PCDHA3: variants seen among roughly 807,000 people sequenced by gnomAD.
PCDHA3 encodes the protein protocadherin alpha 3.
In PCDHA3, 41 loss-of-function variants were observed where a neutral mutation model predicts 62.2. The observed-to-expected ratio is 0.66, with a 90% CI of 0.51 to 0.86. The LOEUF (loss-of-function observed/expected upper bound fraction) is 0.86, where lower values mean the gene tolerates loss of function less well. PCDHA3 is among the 40% of genes least tolerant of loss of function. The probability of loss-of-function intolerance (pLI) is 0.00; values close to 1 mark genes in which losing one functional copy is unlikely to be tolerated. For synonymous variants in PCDHA3, 640 were observed against 555.4 expected, an observed-to-expected ratio of 1.15 and a Z score of -2.14; for missense variants, 1,304 against 1,241.2, an observed-to-expected ratio of 1.05 and a Z score of -0.76.
intron 1 of PCDHA3, chr5:140,862,693 T>C (rs2047494827): frequency 1.8e-6 from 1 of 555,404 alleles, no homozygotes; most frequent in African/African-American, 1.9e-5. Flanking sequence ...GTCCTACTCG[T>C]TGATGGAACA....
chr5:140,916,612 G>A (rs1256459125), intron 1 of PCDHA3, among the ~76,000 whole-genome samples: 3 of 152,144 alleles, frequency 2.0e-5, no homozygotes, highest in African/African-American at 7.2e-5. Flanking sequence ...CGGGCCTCAT[G>A]ACTCTACTCA....
At chr5:140,993,273 T>C (rs1212746492) in intron 3 of PCDHA3, among the ~76,000 whole-genome samples, 1 of 152,176 alleles carries the variant, frequency 6.6e-6, no homozygotes, top group Non-Finnish European at 1.5e-5. Flanking sequence ...TTCTTTGGTC[T>C]TTTCTTGCCC....
intron 1 of PCDHA3, among the ~76,000 whole-genome samples, chr5:140,972,775 T>C (rs1277210789): frequency 6.6e-6 from 1 of 151,656 alleles, no homozygotes; most frequent in Non-Finnish European, 1.5e-5. Context: ...GTGATTCTTC[T>C]GCCTCAGCCT....
intron 1 of PCDHA3, chr5:140,805,717 G>A (rs1468576593): frequency 3.7e-6 from 2 of 544,456 alleles, no homozygotes; most frequent in Non-Finnish European, 4.7e-6. Flanking sequence ...TAAAAATTAA[G>A]CTAAAACCCA....
intron 1 of PCDHA3, chr5:140,836,731 C>T (rs2150268895): frequency 1.2e-6 from 2 of 1,609,678 alleles, no homozygotes; most frequent in Middle Eastern, 1.6e-4. Context: ...CCATCCTCTA[C>T]AGACAATGTG....
intron 1 of PCDHA3, chr5:140,869,565 A>G: frequency 6.2e-7 from 1 of 1,614,190 alleles, no homozygotes; most frequent in Non-Finnish European, 8.5e-7. Flanking sequence ...GTTTTCCACT[A>G]GAGGGAGCTT....
chr5:140,963,312 TG>T (rs2153735087), intron 1 of PCDHA3, among the ~76,000 whole-genome samples: 1 of 152,332 alleles, frequency 6.6e-6, no homozygotes, highest in African/African-American at 2.4e-5. Flanking sequence ...AGAAGCTGTT[TG>T]TATTAGAATT....
chr5:140,839,198 C>T (rs1030704020), intron 1 of PCDHA3, among the ~76,000 whole-genome samples: 23 of 106,832 alleles, frequency 2.2e-4, no homozygotes, highest in Non-Finnish European at 4.1e-4. Flanking sequence ...CTATAAATAT[C>T]TTTGACCTTC....
At chr5:140,947,896 G>A (rs1355775996) in intron 1 of PCDHA3, among the ~76,000 whole-genome samples, 5 of 151,478 alleles carry the variant, frequency 3.3e-5, no homozygotes, top group Non-Finnish European at 7.4e-5. Context: ...AACAGAAGTG[G>A]TGAGAGCAGA....
rs2150110384 is a variant in PCDHA3, at chr5:140,821,746, T to C, written c.2394+18155T>C. ...CAAAATACATTGTGTGGTGATGCAATAGAAAGCTCATAATTGGAACGAGAT... is the reference window on the plus strand; with the variant it reads ...CAAAATACATTGTGTGGTGATGCAACAGAAAGCTCATAATTGGAACGAGAT... On this transcript the variant is annotated intron_variant, in intron 1 of 3. Transcript: ENST00000522353. 12 of 1,569,278 alleles carry C rather than the reference T, an allele frequency of 7.6e-6. No individual in the cohort carries two copies. The South Asian group carries it at 1.3e-4, about 17-fold the overall frequency.
chr5:140,903,290 G>A (rs1554190896), intron 1 of PCDHA3, among the ~76,000 whole-genome samples: 3 of 152,016 alleles, frequency 2.0e-5, no homozygotes, highest in African/African-American at 7.3e-5. Flanking sequence ...TTGTGCATTA[G>A]GAAATTTAGT....
intron 1 of PCDHA3, chr5:140,863,164 G>C (rs781940637): frequency 1.7e-5 from 11 of 661,132 alleles, no homozygotes; most frequent in Non-Finnish European, 3.0e-5. Context: ...CTGCGAGCTG[G>C]CGCTGACTGC....
intron 1 of PCDHA3, chr5:140,848,339 A>T (rs1554142071): frequency 4.5e-6 from 4 of 885,086 alleles, no homozygotes. Context: ...AATCCAGACA[A>T]ATACAGCCCT....
At chr5:140,868,810 G>C (rs944762063) in intron 1 of PCDHA3, 6 of 369,934 alleles carry the variant, frequency 1.6e-5, no homozygotes, top group African/African-American at 1.2e-4. Flanking sequence ...AAGCACGTTG[G>C]AAATATTTGG....
Position 140,801,322 on chromosome 5 carries a change from G to A in PCDHA3, c.125G>A (p.Gly42Asp). 2 of 1,613,322 alleles carry A rather than the reference G, an allele frequency of 1.2e-6. No individual in the cohort carries two copies. Among genetic ancestry groups the A allele is most frequent in the Non-Finnish European group, 1.7e-6 (2 of 1,179,932 alleles). ...HYSVSEEAKH[G>D]TFVGRIAQDL... The stretch of plus-strand genomic sequence containing the variant: ...TCCGTCTCTGAGGAGGCCAAGCATG[G>A]CACCTTCGTGGGCCGCATCGCGCAG... Residue 42 changes from glycine to aspartate, a missense_variant, in exon 1 of 4, where the codon GGC becomes GAC. Coordinates refer to ENST00000522353, the MANE Select transcript of PCDHA3 (RefSeq NM_018906.3).
At chr5:140,803,774 A>C (rs1277050704) in intron 1 of PCDHA3, 183 bp downstream of exon 1, 1 of 1,024,518 alleles carries the variant, frequency 9.8e-7, no homozygotes, top group Admixed American at 2.8e-5. Flanking sequence ...GAACCAAATC[A>C]GCAGTAAGTT....
intron 1 of PCDHA3, among the ~76,000 whole-genome samples, chr5:140,886,185 G>A (rs2060887176): frequency 6.6e-6 from 1 of 152,072 alleles, no homozygotes; most frequent in African/African-American, 2.4e-5. Context: ...CCTAATGCTG[G>A]CAAGCAGTAA....
rs2150154189 is a variant in PCDHA3, at chr5:140,828,336, G to A, written c.2394+24745G>A. 2 of 1,614,120 alleles carry A rather than the reference G, an allele frequency of 1.2e-6. No individual in the cohort carries two copies. Among genetic ancestry groups the A allele is most frequent in the Non-Finnish European group, 1.7e-6 (2 of 1,180,060 alleles). ...CTTCTGGAGGTAAATCTGCAGAATGGCATTTTGTTTGTGAATTCTCGGATC... is the reference window on the plus strand; with the variant it reads ...CTTCTGGAGGTAAATCTGCAGAATGACATTTTGTTTGTGAATTCTCGGATC... On this transcript the variant is annotated intron_variant, in intron 1 of 3. Transcript: ENST00000522353.
At chr5:141,009,173 G>A (rs1486905042) in intron 3 of PCDHA3, among the ~76,000 whole-genome samples, 3 of 152,204 alleles carry the variant, frequency 2.0e-5, no homozygotes, top group African/African-American at 7.2e-5. Flanking sequence ...TACTGGCCTT[G>A]GCTGGGTGTG....
Sources: gnomAD v4.1 joint callset for allele counts (sites outside exome capture counted in the v4.1 genomes callset) on GRCh38, gnomAD v4.1.1 for gene constraint, MANE v1.5 for transcripts, NCBI Gene and HGNC (gene_info 2026-07-23, HGNC 2026-07-21) for gene names.